The following LCLAT1 variants were observed in gnomAD, a reference collection of about 807,000 sequenced individuals.
LCLAT1 encodes lysocardiolipin acyltransferase 1.
LCLAT1 carries 11 observed loss-of-function variants against 30.7 expected under a neutral mutation model. That is an observed-to-expected ratio of 0.36 (90% CI 0.23 to 0.59). The LOEUF is 0.59. Among genes scored for constraint, LCLAT1 ranks in the 20% least tolerant of loss-of-function variants. LCLAT1 has a pLI of 0.77. For missense variants in LCLAT1, 402 were observed against 458.6 expected (o/e 0.88, Z 1.13); for synonymous variants, 155 against 151.3 (o/e 1.02, Z -0.18).
At chr2:30,574,732 T>G (rs1665921228) in intron 5 of LCLAT1, among the ~76,000 whole-genome samples, 1 of 152,166 alleles carries the variant, frequency 6.6e-6, no homozygotes, top group Non-Finnish European at 1.5e-5. Flanking sequence ...ACACTGAGTT[T>G]GATTATTCTT....
intron 2 of LCLAT1, among the ~76,000 whole-genome samples, chr2:30,530,579 T>C (rs829622): frequency 0.72 from 109,119 of 152,098 alleles, 40,719 homozygotes; most frequent in East Asian, 0.87. Flanking sequence ...GGAGACTACA[T>C]TCTCTTGCCC....
intron 1 of LCLAT1, among the ~76,000 whole-genome samples, chr2:30,491,626 A>AAATTTAAAAGCTTAAAGCT (rs1683836029): frequency 6.6e-6 from 1 of 152,236 alleles, no homozygotes; most frequent in Non-Finnish European, 1.5e-5. Context: ...AGCTTAAAGC[A>AAATTTAAAAGCTTAAAGCT]GGTGGCCTTA....
chr2:30,548,519 T>C (rs1220925939), intron 3 of LCLAT1, among the ~76,000 whole-genome samples: 1 of 152,138 alleles, frequency 6.6e-6, no homozygotes, highest in Non-Finnish European at 1.5e-5. Flanking sequence ...TGGAAAGGAT[T>C]GTTTAGGTTA....
At chr2:30,606,319 A>T (rs1667448103) in intron 5 of LCLAT1, 1 of 286,074 alleles carries the variant, frequency 3.5e-6, no homozygotes, top group South Asian at 2.9e-5. Context: ...GAGGCATCAC[A>T]TTACCTGACT....
intron 5 of LCLAT1, among the ~76,000 whole-genome samples, chr2:30,587,509 C>T (rs1666496620): frequency 6.6e-6 from 1 of 152,202 alleles, no homozygotes; most frequent in Admixed American, 6.5e-5. Context: ...TCTGAAGATA[C>T]AGACTTTGAT....
At chr2:30,600,028 T>G (rs1423200482) in intron 5 of LCLAT1, among the ~76,000 whole-genome samples, 1 of 152,210 alleles carries the variant, frequency 6.6e-6, no homozygotes, top group Non-Finnish European at 1.5e-5. Context: ...TGTACTTCAG[T>G]GTGTTTTTGT....
chr2:30,564,502 CATA>C (rs1665387482), intron 4 of LCLAT1, among the ~76,000 whole-genome samples: 1 of 152,012 alleles, frequency 6.6e-6, no homozygotes, highest in East Asian at 1.9e-4. Context: ...TTTTGGAGTC[CATA>C]GTGCTCACCA....
At chr2:30,594,859 G>A (rs866730584) in intron 5 of LCLAT1, among the ~76,000 whole-genome samples, 4 of 152,230 alleles carry the variant, frequency 2.6e-5, no homozygotes, top group Middle Eastern at 6.8e-3. Context: ...GAATCTTGCT[G>A]TATAACCCTC....
intron 1 of LCLAT1, among the ~76,000 whole-genome samples, chr2:30,504,081 C>CGTGT (rs10632288): frequency 0.39 from 58,284 of 150,644 alleles, 12,332 homozygotes; most frequent in East Asian, 0.72. Context: ...AAGGGACTTA[C>CGTGT]GTGTGTGTGT....
intron 1 of LCLAT1, among the ~76,000 whole-genome samples, chr2:30,494,653 C>G (rs958934368): frequency 3.3e-5 from 5 of 151,624 alleles, no homozygotes; most frequent in Non-Finnish European, 7.4e-5. Context: ...GATGCCTAAC[C>G]TATAGTAGGC....
chr2:30,610,805 T>C (rs1667699757), intron 5 of LCLAT1, among the ~76,000 whole-genome samples: 1 of 152,140 alleles, frequency 6.6e-6, no homozygotes, highest in South Asian at 2.1e-4. Flanking sequence ...TCAGTGTTAT[T>C]AAAAACAAGT....
intron 1 of LCLAT1, among the ~76,000 whole-genome samples, chr2:30,467,371 G>A (rs558757369): frequency 2.6e-5 from 4 of 152,248 alleles, no homozygotes; most frequent in Non-Finnish European, 4.4e-5. Context: ...CCAAGTCTTT[G>A]CTATTGTGAA....
intron 1 of LCLAT1, among the ~76,000 whole-genome samples, chr2:30,506,956 T>A (rs571713201): frequency 6.6e-6 from 1 of 152,288 alleles, no homozygotes; most frequent in Middle Eastern, 3.4e-3. Context: ...GCATAAATAA[T>A]GAACATATTT....
chr2:30,525,045 A>AT (rs993615458), intron 1 of LCLAT1, among the ~76,000 whole-genome samples: 1 of 151,804 alleles, frequency 6.6e-6, no homozygotes, highest in Non-Finnish European at 1.5e-5. Flanking sequence ...TATGTTAAAA[A>AT]AAAAAGGCTT....
intron 5 of LCLAT1, among the ~76,000 whole-genome samples, chr2:30,617,671 C>T (rs1668058776): frequency 6.6e-6 from 1 of 152,066 alleles, no homozygotes; most frequent in African/African-American, 2.4e-5. Context: ...CCTTTTTAAC[C>T]TAGCCATTCT....
At chr2:30,453,504 G>A (rs971538987) in intron 1 of LCLAT1, among the ~76,000 whole-genome samples, 1 of 152,182 alleles carries the variant, frequency 6.6e-6, no homozygotes, top group African/African-American at 2.4e-5. Context: ...ATTTACCTGT[G>A]TAGAGTTAGG....
intron 1 of LCLAT1, among the ~76,000 whole-genome samples, chr2:30,513,065 A>G (rs1345316284): frequency 6.6e-6 from 1 of 152,148 alleles, no homozygotes; most frequent in Non-Finnish European, 1.5e-5. Flanking sequence ...ATACATTTGT[A>G]TCTATAGCCC....
At chr2:30,548,460 C>A (rs954809842) in intron 3 of LCLAT1, among the ~76,000 whole-genome samples, 13 of 152,140 alleles carry the variant, frequency 8.5e-5, no homozygotes, top group African/African-American at 3.1e-4. Context: ...TAAATTTAAA[C>A]ATTTACTGGT....
intron 3 of LCLAT1, among the ~76,000 whole-genome samples, chr2:30,540,416 A>G (rs903886625): frequency 2.0e-5 from 3 of 152,118 alleles, no homozygotes; most frequent in African/African-American, 7.2e-5. Context: ...TGTTGCAGTG[A>G]TTTTCTTTGT....
Sources: gnomAD v4.1 joint callset for allele counts (sites outside exome capture counted in the v4.1 genomes callset) on GRCh38, gnomAD v4.1.1 for gene constraint, MANE v1.5 for transcripts, NCBI Gene and HGNC (gene_info 2026-07-23, HGNC 2026-07-21) for gene names.